Variants in ODAD4 observed in about 807,000 individuals in gnomAD.
ODAD4 encodes the protein outer dynein arm-docking complex subunit 4.
ODAD4 carries 49 observed loss-of-function variants against 51.8 expected under a neutral mutation model. The ratio of observed to expected loss-of-function variants is 0.95; its 90% CI spans 0.75 to 1.20. The LOEUF is 1.20. Among genes scored for constraint, ODAD4 ranks in the 50% most tolerant of loss-of-function variants. The pLI, the probability that ODAD4 is intolerant of heterozygous loss-of-function variation, is 0.00. For synonymous variants in ODAD4, 235 were observed against 221.3 expected (o/e 1.06, Z -0.55); for missense variants, 590 against 586.5 (o/e 1.01, Z -0.06).
At chr17:41,952,559 A>AAG in intron 9 of ODAD4, 1 of 322,566 alleles carries the variant, frequency 3.1e-6, no homozygotes, top group African/African-American at 2.2e-5. Flanking sequence ...AAAAAAAAAA[A>AAG]AAAAAAAAAA....
Position 41,966,338 on chromosome 17 carries a change from C to T in ODAD4, c.*855C>T, listed in dbSNP as rs542219754. On this transcript the variant is annotated 3_prime_UTR_variant, in exon 12 of 12. Coordinates refer to ENST00000377540, the MANE Select transcript of ODAD4 (RefSeq NM_031421.5). ...ACTTTCGGCTGGCACAGGGCCTGGA[C>T]GAATGAGGCCAGTGAGGCATTTCAG... 3.0e-4 allele frequency among the ~76,000 whole-genome samples: 45 copies of T among 151,912 alleles called. No homozygotes were observed. Among genetic ancestry groups the T allele is most frequent in the Non-Finnish European group, 6.0e-4 (41 of 68,028 alleles).
At chr17:41,932,318 A>C (rs1598066605) in intron 1 of ODAD4, among the ~76,000 whole-genome samples, 1 of 150,390 alleles carries the variant, frequency 6.6e-6, no homozygotes, top group African/African-American at 2.5e-5. Flanking sequence ...ATCCCCCCCC[A>C]CCTCAGCCTC....
chr17:41,930,779 A>G lies in ODAD4; in HGVS notation c.56A>G (p.Glu19Gly). Residue 19 changes from glutamate to glycine, a missense_variant, in exon 1 of 12, where the codon GAA becomes GGA. Around this residue, in one of 3 missense-constraint regions of ODAD4, gnomAD observed 360 missense variants for 407.5 expected, o/e 0.88. Transcript: ENST00000377540. The part of the protein sequence containing the change: ...LRSTFPSYMA[E>G]GERLYLCGEF... ...AGCACCTTTCCCTCTTATATGGCCG[A>G]AGGCGAGCGGCTCTACCTGTGCGGG... 1 of 1,603,732 alleles carries G rather than the reference A, an allele frequency of 6.2e-7. No individual in the cohort carries two copies. The highest frequency in any genetic ancestry group is 8.5e-7 in the Non-Finnish European group (1 of 1,174,130).
intron 9 of ODAD4, 174 bp from the exon 10 acceptor site, chr17:41,955,043 G>C (rs781944367): frequency 1.4e-6 from 1 of 705,368 alleles, no homozygotes; most frequent in Admixed American, 1.9e-5. Flanking sequence ...CCAGGAACAC[G>C]GTGGAAAGGA....
At chr17:41,943,539 C>A (rs897638944) in intron 7 of ODAD4, among the ~76,000 whole-genome samples, 1 of 152,136 alleles carries the variant, frequency 6.6e-6, no homozygotes, top group African/African-American at 2.4e-5. Flanking sequence ...TTACAAAGTA[C>A]CTTCTTGAGG....
At chr17:41,936,166 G>C (rs1555637765) in intron 3 of ODAD4, among the ~76,000 whole-genome samples, 1 of 152,220 alleles carries the variant, frequency 6.6e-6, no homozygotes, top group African/African-American at 2.4e-5. Flanking sequence ...GAGAAGGGAA[G>C]CAAGTGAGAG....
chr17:41,953,666 T>TAC (rs140951418), intron 9 of ODAD4, among the ~76,000 whole-genome samples: 1 of 147,540 alleles, frequency 6.8e-6, no homozygotes, highest in South Asian at 2.2e-4. Context: ...TATATATATA[T>TAC]ATAGAGAGAG....
chr17:41,948,901 C>G (rs2050620680), intron 8 of ODAD4, among the ~76,000 whole-genome samples: 2 of 152,136 alleles, frequency 1.3e-5, no homozygotes, highest in African/African-American at 2.4e-5. Context: ...TTCAGCCTCC[C>G]AAAGCGCTAG....
chr17:41,944,162 A>C (rs1598078577), intron 7 of ODAD4, among the ~76,000 whole-genome samples: 1 of 147,826 alleles, frequency 6.8e-6, no homozygotes, highest in South Asian at 2.1e-4. Context: ...GTGCTATTGC[A>C]CTCCAGCCTG....
At chr17:41,944,445 C>CACACACACA (rs879985039) in intron 7 of ODAD4, among the ~76,000 whole-genome samples, 6 of 3,520 alleles carry the variant, frequency 1.7e-3, no homozygotes, top group African/African-American at 3.5e-3. Flanking sequence ...CACACACACA[C>CACACACACA]CCCCCCGCAT....
chr17:41,960,971 C>T lies in ODAD4; in HGVS notation c.1444-411C>T, dbSNP rs532665578. 2.2e-3 allele frequency among the ~76,000 whole-genome samples: 338 copies of T among 152,320 alleles called. 1 individual carries two copies. Among genetic ancestry groups the T allele is most frequent in the South Asian group, 2.9e-3 (14 of 4,828 alleles). On this transcript the variant is annotated intron_variant, in intron 10 of 11. Transcript: ENST00000377540. ...CTGGAAGGCCCTTCTGAAGGCAGGC[C>T]AGCCCCCAGCCTGTCCCCTTGGTGT...
At position 41,951,389 on chromosome 17, in the gene ODAD4, CTG is replaced by C. The variant is rs554450547; in HGVS notation, c.1342+2042_1342+2043del. 2.9e-3 allele frequency among the ~76,000 whole-genome samples: 433 copies of C among 151,918 alleles called. 3 individuals are homozygous for C. Among genetic ancestry groups the C allele is most frequent in the African/African-American group, 9.9e-3 (411 of 41,456 alleles). ...TGAGCCACTGTGCCCGGCCTCAACT[CTG>C]TAAATTTTCTCAAAATCATTGAACT... On this transcript the variant is annotated intron_variant, in intron 9 of 11. Transcript: ENST00000377540.
intron 9 of ODAD4, among the ~76,000 whole-genome samples, chr17:41,950,374 T>C (rs1348338544): frequency 6.6e-6 from 1 of 151,148 alleles, no homozygotes; most frequent in East Asian, 1.9e-4. Context: ...CCCCAAGTCC[T>C]ATGAGGGAAG....
At chr17:41,956,552 A>G (rs533617317) in intron 10 of ODAD4, among the ~76,000 whole-genome samples, 15 of 144,446 alleles carry the variant, frequency 1.0e-4, no homozygotes, top group East Asian at 2.1e-4. Flanking sequence ...CTGGGACCCA[A>G]CGTGTTGCTG....
chr17:41,930,880 ACT>A, intron 1 of ODAD4, 43 bp downstream of exon 1: 2 of 135,224 alleles, frequency 1.5e-5, no homozygotes. Context: ...ATCACCCGTC[ACT>A]TTTTTTTTTT....
At chr17:41,945,247 C>T (rs1439812940) in intron 8 of ODAD4, 25 bp downstream of exon 8, 1 of 1,570,924 alleles carries the variant, frequency 6.4e-7, no homozygotes, top group South Asian at 1.1e-5. Flanking sequence ...ATTGCCTCTT[C>T]CCCACCTCCA....
At position 41,949,232 on chromosome 17, in the gene ODAD4, G is replaced by A. The variant is rs1327055304; in HGVS notation, c.1225G>A (p.Glu409Lys). ...CCACGAGATCGGCCGCTGCTACTTG[G>A]AGCTGGACCAGGCCTGGCAGGCCCA... ...LFHEIGRCYL[E>K]LDQAWQAQNY... The change falls in exon 9 of 12, where the codon GAG (glutamate) becomes AAG (lysine). Residue 409 changes from glutamate (E) to lysine (K), a missense_variant. Glu to Lys is a moderately conservative substitution (Grantham distance 56). Coordinates refer to ENST00000377540, the MANE Select transcript of ODAD4 (RefSeq NM_031421.5). 6 of 398,454 alleles carry A rather than the reference G, an allele frequency of 1.5e-5. No individual in the cohort carries two copies. In the East Asian group the frequency reaches 2.1e-4, roughly 14 times the overall value. 24.7% of individuals were successfully genotyped at this position (398,454 alleles called of 1,614,324 possible).
chr17:41,944,001 C>T (rs1231184497), intron 7 of ODAD4, among the ~76,000 whole-genome samples: 1 of 151,996 alleles, frequency 6.6e-6, no homozygotes, highest in Non-Finnish European at 1.5e-5. Flanking sequence ...AGTTCAAGAC[C>T]AGCCTGGCCA....
chr17:41,941,016 CCT>C (rs1448587133), intron 7 of ODAD4, among the ~76,000 whole-genome samples: 1 of 152,196 alleles, frequency 6.6e-6, no homozygotes, highest in East Asian at 1.9e-4. Flanking sequence ...ACCTCCTTCC[CCT>C]CTCTGTTTTT....
Sources: allele counts gnomAD v4.1 joint callset (sites outside exome capture counted in the v4.1 genomes callset), GRCh38; gene constraint gnomAD v4.1.1; regional missense constraint gnomAD v4.1.1; transcripts MANE v1.5; gene names NCBI Gene and HGNC (gene_info 2026-07-23, HGNC 2026-07-21).